The following NELL1 variants were observed in gnomAD, a reference collection of about 807,000 sequenced individuals.
NELL1 encodes the protein protein kinase C-binding protein NELL1.
In NELL1, 76 loss-of-function variants were observed where a neutral mutation model predicts 107.4. The ratio of observed to expected loss-of-function variants is 0.71; its 90% confidence interval spans 0.59 to 0.86. NELL1 has a LOEUF of 0.86. Ranked by LOEUF, NELL1 falls within the 40% of genes least tolerant of loss-of-function variation. NELL1 has a pLI of 0.00. For synonymous variants in NELL1, 353 were observed against 341.2 expected (o/e 1.03, Z -0.38); for missense variants, 1,024 against 1,005.5 (o/e 1.02, Z -0.25).
chr11:21,527,354 C>T (rs576989532), intron 15 of NELL1, among the ~76,000 whole-genome samples: 5 of 152,224 alleles, frequency 3.3e-5, no homozygotes, highest in South Asian at 4.1e-4. Flanking sequence ...CTGAGCATCC[C>T]GAGTCTCTAG....
chr11:21,274,850 G>A (rs112792810), intron 14 of NELL1, among the ~76,000 whole-genome samples: 11,561 of 152,150 alleles, frequency 0.076, 537 homozygotes, highest in African/African-American at 0.13. Flanking sequence ...TTGGAAACCA[G>A]TGAGAACAAA....
intron 14 of NELL1, among the ~76,000 whole-genome samples, chr11:21,358,442 C>A (rs1381622515): frequency 6.6e-6 from 1 of 151,872 alleles, no homozygotes; most frequent in African/African-American, 2.4e-5. Context: ...CACTGTCTCC[C>A]AGGCTGGAGT....
At chr11:21,259,467 T>G in intron 14 of NELL1, among the ~76,000 whole-genome samples, 1 of 151,998 alleles carries the variant, frequency 6.6e-6, no homozygotes, top group South Asian at 2.1e-4. Context: ...ATACAATTTT[T>G]CAGCCTTTTG....
chr11:20,924,686 C>T lies in NELL1; in HGVS notation c.760-2622C>T, dbSNP rs566074759. The stretch of plus-strand genomic sequence containing the variant: ...ATTGTTCCAGATTTTCAGAGTAAGG[C>T]ACGTATGGGTCCTCTCACAAAGGTA... On this transcript the variant is annotated intron_variant, in intron 7 of 19. Coordinates refer to ENST00000357134, the MANE Select transcript of NELL1 (RefSeq NM_006157.5). 3.9e-5 allele frequency among the ~76,000 whole-genome samples: 6 copies of T among 152,220 alleles called. No homozygotes were observed. In the South Asian group the frequency reaches 1.2e-3, roughly 32 times the overall value.
At chr11:20,964,743 G>A (rs537643470) in intron 12 of NELL1, among the ~76,000 whole-genome samples, 1 of 152,190 alleles carries the variant, frequency 6.6e-6, no homozygotes, top group Non-Finnish European at 1.5e-5. Flanking sequence ...CTAATGAAAT[G>A]TGAGTGGACG....
chr11:20,805,586 C>T (rs998148515), intron 3 of NELL1, among the ~76,000 whole-genome samples: 4 of 152,176 alleles, frequency 2.6e-5, no homozygotes, highest in Non-Finnish European at 5.9e-5. Flanking sequence ...GTGGTGAGAT[C>T]TTGGCTCGCT....
At chr11:21,122,769 C>T (rs73464407) in intron 13 of NELL1, among the ~76,000 whole-genome samples, 2,487 of 152,046 alleles carry the variant, frequency 0.016, 51 homozygotes, top group African/African-American at 0.05. Context: ...AGTGACACAG[C>T]GTACGTATAT....
At chr11:20,951,693 C>T (rs751924720) in intron 11 of NELL1, among the ~76,000 whole-genome samples, 4 of 152,044 alleles carry the variant, frequency 2.6e-5, no homozygotes, top group African/African-American at 7.2e-5. Flanking sequence ...GGAAGAAACA[C>T]GCAAAGGGAA....
At chr11:21,572,967 C>CT (rs1857136862) in intron 18 of NELL1, among the ~76,000 whole-genome samples, 1 of 151,806 alleles carries the variant, frequency 6.6e-6, no homozygotes, top group African/African-American at 2.4e-5. Flanking sequence ...TCACCTAGCT[C>CT]TTTCTATGTC....
chr11:21,105,913 T>C (rs113517988), intron 12 of NELL1, among the ~76,000 whole-genome samples: 72,100 of 72,430 alleles, frequency 1, 35,885 homozygotes, highest in Middle Eastern at 1. Context: ...TCCCCCTTCC[T>C]TCCCTCCCTC....
At chr11:21,558,114 G>A (rs1856765598) in intron 16 of NELL1, among the ~76,000 whole-genome samples, 1 of 151,930 alleles carries the variant, frequency 6.6e-6, no homozygotes, top group South Asian at 2.1e-4. Context: ...AGGAGTGAAA[G>A]TAGTACAGGA....
intron 15 of NELL1, among the ~76,000 whole-genome samples, chr11:21,500,001 G>T (rs1197887705): frequency 6.6e-6 from 1 of 152,108 alleles, no homozygotes. Context: ...TAGATAGTTG[G>T]ATTGGAGTGG....
chr11:20,909,080 G>C (rs1850068496), intron 5 of NELL1, among the ~76,000 whole-genome samples: 1 of 152,076 alleles, frequency 6.6e-6, no homozygotes, highest in African/African-American at 2.4e-5. Context: ...ATGCACAAAA[G>C]GACAACTATT....
At chr11:20,809,565 A>G (rs1857455801) in intron 3 of NELL1, among the ~76,000 whole-genome samples, 1 of 151,758 alleles carries the variant, frequency 6.6e-6, no homozygotes, top group African/African-American at 2.4e-5. Flanking sequence ...CCACTCTTCT[A>G]CTCTCTACTT....
intron 12 of NELL1, among the ~76,000 whole-genome samples, chr11:21,111,000 T>C (rs1438020610): frequency 6.6e-6 from 1 of 152,154 alleles, no homozygotes. Flanking sequence ...CCAGTTTCAT[T>C]TCAAATACGC....
At chr11:20,824,230 C>T (rs1468408763) in intron 3 of NELL1, among the ~76,000 whole-genome samples, 1 of 151,264 alleles carries the variant, frequency 6.6e-6, no homozygotes, top group Admixed American at 6.7e-5. Context: ...GCTTCTCCTT[C>T]TGCCATGAAT....
At chr11:21,437,778 A>C (rs1212454383) in intron 15 of NELL1, among the ~76,000 whole-genome samples, 2 of 152,104 alleles carry the variant, frequency 1.3e-5, no homozygotes, top group Non-Finnish European at 2.9e-5. Context: ...CTTCCTTTTC[A>C]GTCTATACTT....
chr11:20,814,236 C>A (rs987173903), intron 3 of NELL1, among the ~76,000 whole-genome samples: 1 of 152,152 alleles, frequency 6.6e-6, no homozygotes. Context: ...CCTCGTGATC[C>A]GCCCGCCTCG....
intron 15 of NELL1, among the ~76,000 whole-genome samples, chr11:21,497,777 T>C (rs571061095): frequency 2.0e-5 from 3 of 152,122 alleles, no homozygotes; most frequent in Non-Finnish European, 2.9e-5. Flanking sequence ...TTTTCAACAA[T>C]AATTTATGTC....
Sources: gnomAD v4.1 joint callset for allele counts (sites outside exome capture counted in the v4.1 genomes callset) on GRCh38, gnomAD v4.1.1 for gene constraint, MANE v1.5 for transcripts, NCBI Gene and HGNC (gene_info 2026-07-23, HGNC 2026-07-21) for gene names.